The following DIP2C variants were observed in gnomAD, a reference collection of about 807,000 sequenced individuals.
The protein encoded by DIP2C is DIP2 acetate--CoA ligase C (putative), also known as disco-interacting protein 2 homolog C.
In DIP2C, 33 loss-of-function variants were observed where a neutral mutation model predicts 192.4. The observed-to-expected ratio is 0.17, with a 90% CI of 0.13 to 0.23. The LOEUF (loss-of-function observed/expected upper bound fraction) is 0.23. Among genes scored for constraint, DIP2C ranks in the 10% least tolerant of loss-of-function variants. The pLI is 1.00. For missense variants in DIP2C, 1,537 were observed against 2,110.1 expected, an observed-to-expected ratio of 0.73 and a Z score of 5.32; for synonymous variants, 979 against 864.1, an observed-to-expected ratio of 1.13 and a Z score of -2.33.
At chr10:463,936 A>G (rs1969996522) in intron 3 of DIP2C, among the ~76,000 whole-genome samples, 1 of 152,220 alleles carries the variant, frequency 6.6e-6, no homozygotes, top group Non-Finnish European at 1.5e-5. Flanking sequence ...GAAACAGGCT[A>G]GCCATAAGCA....
chr10:577,879 G>A (rs1241460135), intron 1 of DIP2C, among the ~76,000 whole-genome samples: 3 of 151,156 alleles, frequency 2.0e-5, no homozygotes, highest in East Asian at 3.9e-4. Flanking sequence ...TTGGAAAGTT[G>A]GGAGCAATTT....
chr10:556,130 C>T (rs1168687047), intron 1 of DIP2C, among the ~76,000 whole-genome samples: 1 of 141,080 alleles, frequency 7.1e-6, no homozygotes, highest in Non-Finnish European at 1.5e-5. Context: ...ACCACCCACC[C>T]CCTTCCACAG....
In DIP2C at chr10:390,253, G is replaced by T. The variant is rs541932423; in HGVS notation, c.1494+11C>A. The T allele has an allele frequency of 1.9e-5, 30 of 1,613,382 alleles. No homozygotes were observed. The highest frequency in any genetic ancestry group is 2.5e-5 in the Non-Finnish European group (30 of 1,179,484). On this transcript the variant is annotated intron_variant, in intron 12 of 36. Transcript: ENST00000280886. ...ACTCAGGGCCAGTGGAGGAGGCCAAGGCTGACTCACCTCAATATACGCAGT... is the reference window on the plus strand; with the variant it reads ...ACTCAGGGCCAGTGGAGGAGGCCAATGCTGACTCACCTCAATATACGCAGT...
intron 1 of DIP2C, among the ~76,000 whole-genome samples, chr10:548,339 G>A (rs1468853237): frequency 6.6e-6 from 1 of 150,928 alleles, no homozygotes; most frequent in Non-Finnish European, 1.5e-5. Flanking sequence ...TGCATCCTGT[G>A]AAACATCCAG....
intron 30 of DIP2C, among the ~76,000 whole-genome samples, chr10:328,126 G>A (rs887768180): frequency 1.3e-5 from 2 of 152,168 alleles, no homozygotes; most frequent in Non-Finnish European, 2.9e-5. Flanking sequence ...ACCGACAAGG[G>A]TCCTGAGCAA....
chr10:590,673 TCTA>T (rs1326033076), intron 1 of DIP2C, among the ~76,000 whole-genome samples: 1 of 152,190 alleles, frequency 6.6e-6, no homozygotes, highest in Non-Finnish European at 1.5e-5. Context: ...ACACTATATC[TCTA>T]CAAGTTAGAC....
At chr10:413,886 AG>A (rs1391723869) in intron 8 of DIP2C, 26 bp downstream of exon 8, 2 of 1,602,738 alleles carry the variant, frequency 1.2e-6, no homozygotes, top group African/African-American at 2.7e-5. Flanking sequence ...GGGTGGGCAA[AG>A]GGCAGAGAGT....
intron 26 of DIP2C, 160 bp from the exon 27 acceptor site, chr10:345,270 T>C (rs1019378344): frequency 1.0e-5 from 8 of 768,026 alleles, no homozygotes; most frequent in Non-Finnish European, 1.8e-5. Flanking sequence ...AGGACAGAGC[T>C]AGGAGTCTAG....
rs1305985331 is a variant in DIP2C, at chr10:674,773, T to TAA, written c.85+14720_85+14721insTT. The stretch of plus-strand genomic sequence containing the variant: ...AACAAAAGCAAAACTCCATCTCAAA[T>TAA]ATATATATATATATATAGAGAGAGA... On this transcript the variant is annotated intron_variant, in intron 1 of 36. Transcript: ENST00000280886. Among the ~76,000 whole-genome samples the TAA allele has an allele frequency of 6.2e-4, 57 of 92,296 alleles. 1 individual carries two copies. Among genetic ancestry groups the TAA allele is most frequent in the African/African-American group, 2.6e-3 (47 of 18,424 alleles). 60.5% of individuals were successfully genotyped at this position (92,296 alleles called of 152,430 possible).
In DIP2C at chr10:550,005, GCTT is replaced by G. The variant is rs1177093168; in HGVS notation, c.86-63478_86-63476del. Among the ~76,000 whole-genome samples the G allele has an allele frequency of 3.1e-5, 4 of 129,484 alleles. No homozygotes were observed. The South Asian group carries it at 7.2e-4, about 23-fold the overall frequency. 84.9% of individuals were successfully genotyped at this position (129,484 alleles called of 152,430 possible). A position where few individuals can be genotyped will look rare whatever the true frequency, so the allele number is the denominator to read the frequency against. On this transcript the variant is annotated intron_variant, in intron 1 of 36. Transcript: ENST00000280886. ...CTACAGAAGCAACAAGGGACGTGTA[GCTT>G]TTTTTTTTTTTTTTTTCTCTTAAGA... is the stretch of plus-strand genomic sequence containing the variant.
intron 1 of DIP2C, among the ~76,000 whole-genome samples, chr10:540,164 T>TA (rs1588421966): frequency 6.6e-6 from 1 of 152,368 alleles, no homozygotes; most frequent in East Asian, 1.9e-4. Context: ...TAGAGTGTTA[T>TA]AAAAATGATG....
At chr10:530,627 G>T (rs985399464) in intron 1 of DIP2C, among the ~76,000 whole-genome samples, 1 of 143,774 alleles carries the variant, frequency 7.0e-6, no homozygotes, top group Non-Finnish European at 1.5e-5. Context: ...AGATTAGCCT[G>T]GGCAATACAG....
chr10:424,147 G>A (rs1471591182), intron 4 of DIP2C, among the ~76,000 whole-genome samples: 2 of 152,142 alleles, frequency 1.3e-5, no homozygotes, highest in African/African-American at 4.8e-5. Flanking sequence ...CGCCAGCTCA[G>A]GTGAGCAGCT....
At chr10:661,702 G>A (rs755987109) in intron 1 of DIP2C, among the ~76,000 whole-genome samples, 1 of 152,036 alleles carries the variant, frequency 6.6e-6, no homozygotes, top group African/African-American at 2.4e-5. Context: ...CCTCTCTCCC[G>A]ACATGCACAC....
At chr10:284,436 C>G (rs894198580) in intron 34 of DIP2C, among the ~76,000 whole-genome samples, 1 of 152,208 alleles carries the variant, frequency 6.6e-6, no homozygotes, top group Non-Finnish European at 1.5e-5. Flanking sequence ...GGAGGAAATG[C>G]TGCCATTTGC....
At chr10:367,000 G>C (rs1332164851) in intron 18 of DIP2C, among the ~76,000 whole-genome samples, 4 of 152,220 alleles carry the variant, frequency 2.6e-5, no homozygotes, top group Admixed American at 1.3e-4. Context: ...AGAGCCTCAG[G>C]CTTCAGAAGG....
rs142020614 is a variant in DIP2C, at chr10:602,201, G to C, written c.85+87293C>G. ...TGAAGAAAACTCCTGCAGTCCTAAAGTGTCAGTTCTCAAAGCCCTTAAGTT... is the reference window on the plus strand; with the variant it reads ...TGAAGAAAACTCCTGCAGTCCTAAACTGTCAGTTCTCAAAGCCCTTAAGTT... On this transcript the variant is annotated intron_variant, in intron 1 of 36. Transcript: ENST00000280886. 2.2e-3 allele frequency among the ~76,000 whole-genome samples: 332 copies of C among 152,294 alleles called. 4 individuals carry two copies. Among genetic ancestry groups the C allele is most frequent in the African/African-American group, 7.1e-3 (295 of 41,552 alleles).
intron 11 of DIP2C, 95 bp downstream of exon 11, chr10:390,645 C>T (rs1963389402): frequency 6.5e-7 from 1 of 1,535,300 alleles, no homozygotes; most frequent in South Asian, 1.3e-5. Context: ...TTTCATTCCA[C>T]AGAGGATTGA....
intron 1 of DIP2C, among the ~76,000 whole-genome samples, chr10:489,654 G>C (rs1414431325): frequency 6.6e-6 from 1 of 151,736 alleles, no homozygotes; most frequent in Admixed American, 6.6e-5. Flanking sequence ...GGACACGGTG[G>C]CTCTGACGGT....
Sources: gnomAD v4.1 joint callset for allele counts (sites outside exome capture counted in the v4.1 genomes callset) on GRCh38, gnomAD v4.1.1 for gene constraint, MANE v1.5 for transcripts, NCBI Gene and HGNC (gene_info 2026-07-23, HGNC 2026-07-21) for gene names.